The following WNK1 variants were observed in gnomAD, a reference collection of about 807,000 sequenced individuals.
The protein encoded by WNK1 is WNK lysine deficient protein kinase 1.
Under a neutral mutation model 222.8 loss-of-function variants are expected in WNK1, and 38 were observed. That is an observed-to-expected ratio of 0.17 (90% CI 0.13 to 0.22). The LOEUF is 0.22. WNK1 is among the 10% of genes least tolerant of loss of function. The pLI is 1.00. For synonymous variants in WNK1, 1,090 were observed against 1,092.9 expected, an observed-to-expected ratio of 1.00 and a Z score of 0.05; for missense variants, 2,348 against 2,918.4, an observed-to-expected ratio of 0.80 and a Z score of 4.50.
intron 1 of WNK1, among the ~76,000 whole-genome samples, chr12:771,157 C>T (rs1020346917): frequency 2.0e-5 from 3 of 151,938 alleles, no homozygotes; most frequent in Non-Finnish European, 4.4e-5. Flanking sequence ...GCCACCACGC[C>T]CGGCTAATTT....
intron 5 of WNK1, 60 bp from the exon 6 acceptor site, chr12:859,185 T>C (rs527770855): frequency 7.0e-7 from 1 of 1,431,812 alleles, no homozygotes; most frequent in East Asian, 2.3e-5. Flanking sequence ...ATTTGAAAAT[T>C]ATTTTTTCAA....
intron 2 of WNK1, among the ~76,000 whole-genome samples, chr12:822,833 G>A (rs773354306): frequency 1.3e-5 from 2 of 152,190 alleles, no homozygotes; most frequent in African/African-American, 4.8e-5. Flanking sequence ...ATATTTAGAT[G>A]TGTGATGGAC....
chr12:785,481 GCCTCCACCTC>G (rs1944205463), intron 1 of WNK1, among the ~76,000 whole-genome samples: 1 of 132,800 alleles, frequency 7.5e-6, no homozygotes, highest in South Asian at 2.4e-4. Flanking sequence ...GCTCACTGCA[GCCTCCACCTC>G]CCAGGTTCAA....
At chr12:754,401 C>T in intron 1 of WNK1, 77 bp downstream of exon 1, 1 of 1,586,092 alleles carries the variant, frequency 6.3e-7, no homozygotes, top group Non-Finnish European at 8.6e-7. Flanking sequence ...ATCGAGTTCA[C>T]CCTTCACTTG....
At chr12:771,846 C>T (rs182619508) in intron 1 of WNK1, among the ~76,000 whole-genome samples, 64 of 152,258 alleles carry the variant, frequency 4.2e-4, no homozygotes, top group African/African-American at 1.5e-3. Flanking sequence ...GACTGGGTTG[C>T]ACACTGTCAC....
intron 14 of WNK1, 138 bp downstream of exon 14, chr12:882,211 T>A: frequency 9.5e-7 from 1 of 1,050,650 alleles, no homozygotes; most frequent in South Asian, 1.6e-5. Context: ...ATTTTTTTTT[T>A]TTTTAGACGG....
intron 1 of WNK1, among the ~76,000 whole-genome samples, chr12:786,197 T>G (rs1348231754): frequency 6.6e-6 from 1 of 152,230 alleles, no homozygotes; most frequent in Non-Finnish European, 1.5e-5. Context: ...CTTAGACTAC[T>G]TGATTAGCTG....
rs753796087 is a variant in WNK1 at position 859,254 on chromosome 12, C to T, written c.1410C>T (p.Ile470=). 5 of 1,612,486 alleles carry T rather than the reference C, an allele frequency of 3.1e-6. No homozygotes were observed. Among genetic ancestry groups the T allele is most frequent in the Non-Finnish European group, 4.2e-6 (5 of 1,178,798 alleles). Residue 470 remains isoleucine (I), a synonymous_variant, in exon 6 of 28, where the codon ATC becomes ATT. Transcript: ENST00000315939. ...IRQNKDERYS[I]KDLLNHAFFQ... The stretch of plus-strand genomic sequence containing the variant: ...TCCCTCTGTTTGGAAGATATTCCAT[C>T]AAAGACCTTTTGAACCATGCCTTCT...
At chr12:808,531 A>G (rs1946594858) in intron 1 of WNK1, among the ~76,000 whole-genome samples, 1 of 151,582 alleles carries the variant, frequency 6.6e-6, no homozygotes, top group African/African-American at 2.4e-5. Context: ...TTCAGCTATT[A>G]TATGTATCTG....
chr12:887,794 G>A (rs1953814157), intron 20 of WNK1, among the ~76,000 whole-genome samples: 1 of 152,082 alleles, frequency 6.6e-6, no homozygotes, highest in Non-Finnish European at 1.5e-5. Flanking sequence ...TTACTTATAG[G>A]TAGGTATAGG....
rs747750974 is a variant in WNK1, at chr12:900,601, G to A, written c.6574G>A (p.Asp2192Asn). 3 of 1,614,178 alleles carry A rather than the reference G, an allele frequency of 1.9e-6. No individual in the cohort carries two copies. The highest frequency in any genetic ancestry group is 2.5e-6 in the Non-Finnish European group (3 of 1,180,030). ...LQPLKPSPSS[D>N]NLYSAFTSDG... ...GCCCCTTAAGCCATCTCCCTCCAGTGACAACCTCTATTCAGCCTTCACCAG... is the reference window on the plus strand; with the variant it reads ...GCCCCTTAAGCCATCTCCCTCCAGTAACAACCTCTATTCAGCCTTCACCAG... The change falls in exon 26 of 28, where the codon GAC becomes AAC. Residue 2192 changes from aspartate to asparagine, a missense_variant. Asp to Asn is a conservative substitution (Grantham distance 23). This residue lies in a region of WNK1 where 1,144 missense variants were observed against 1,273.6 expected (regional missense o/e 0.90). Transcript: ENST00000315939.
At chr12:757,608 A>G (rs1940315840) in intron 1 of WNK1, among the ~76,000 whole-genome samples, 1 of 152,174 alleles carries the variant, frequency 6.6e-6, no homozygotes, top group African/African-American at 2.4e-5. Context: ...TTATTAGACA[A>G]GTAGTGCACC....
At chr12:907,636 C>G (rs1246797593) in intron 26 of WNK1, 5 of 626,674 alleles carry the variant, frequency 8.0e-6, no homozygotes, top group Non-Finnish European at 1.4e-5. Context: ...TCAGCCTTAG[C>G]AGCAGCTACT....
At position 908,861 on chromosome 12, in the gene WNK1, G is replaced by GGGGGGGGGGGGGGGCCCCC; in HGVS notation, c.*69_*70insGGGGGGGGGGGGGGCCCCC. On this transcript the variant is annotated 3_prime_UTR_variant, in exon 28 of 28. Transcript: ENST00000315939. Reference sequence around the variant, plus strand: ...ATGCTGAGGGGGTGGGTGGGGGTGGGAAGTAGCCTATATACTAACTACTAG... The same window carrying GGGGGGGGGGGGGGGCCCCC: ...ATGCTGAGGGGGTGGGTGGGGGTGGGGGGGGGGGGGGGGGCCCCCAAGTAGCCTATATACTAACTACTAG... The GGGGGGGGGGGGGGGCCCCC allele has an allele frequency of 2.0e-6, 1 of 491,846 alleles. No individual in the cohort carries two copies. The highest frequency in any genetic ancestry group is 4.1e-6 in the Non-Finnish European group (1 of 241,770). 30.5% of individuals were successfully genotyped at this position (491,846 alleles called of 1,614,324 possible). A position where few individuals can be genotyped will look rare whatever the true frequency, so the allele number is the denominator to read the frequency against.
Position 885,500 on chromosome 12 carries a change from G to C in WNK1, c.4696G>C (p.Gly1566Arg). ...GVSSYISQPG[G>R]LHPLVIPSVI... ...GTCTAGTTATATTTCTCAGCCTGGT[G>C]GGCTGCATCCTTTGGTCATTCCATC... is the stretch of plus-strand genomic sequence containing the variant. The change falls in exon 19 of 28, where the codon GGG becomes CGG. Residue 1566 changes from glycine to arginine, a missense_variant. Gly to Arg is a moderately radical substitution (Grantham distance 125, BLOSUM62 -2). Transcript: ENST00000315939. 1 of 1,613,990 alleles carries C rather than the reference G, an allele frequency of 6.2e-7. No individual in the cohort carries two copies. Among genetic ancestry groups the C allele is most frequent in the Non-Finnish European group, 8.5e-7 (1 of 1,180,016 alleles).
At chr12:811,127 A>G (rs1946865988) in intron 1 of WNK1, among the ~76,000 whole-genome samples, 1 of 152,178 alleles carries the variant, frequency 6.6e-6, no homozygotes, top group African/African-American at 2.4e-5. Flanking sequence ...AGGTTCTAAA[A>G]AGCAACAGTG....
intron 1 of WNK1, among the ~76,000 whole-genome samples, chr12:795,195 A>G (rs1480059987): frequency 6.6e-6 from 1 of 152,160 alleles, no homozygotes; most frequent in Admixed American, 6.5e-5. Flanking sequence ...TATAGAACTC[A>G]TCAGTGAAGT....
chr12:887,870 A>G (rs1301219238), intron 20 of WNK1, among the ~76,000 whole-genome samples: 1 of 152,150 alleles, frequency 6.6e-6, no homozygotes, highest in Non-Finnish European at 1.5e-5. Context: ...GCTCAGTGAG[A>G]TGCTAACATT....
In WNK1 at chr12:870,830, A is replaced by G. The variant is rs72649865; in HGVS notation, c.2140-435A>G. 6.9e-3 allele frequency among the ~76,000 whole-genome samples: 1,049 copies of G among 152,324 alleles called. 14 individuals are homozygous for G. Among genetic ancestry groups the G allele is most frequent in the African/African-American group, 0.024 (1,005 of 41,560 alleles). On this transcript the variant is annotated intron_variant, in intron 8 of 27. Coordinates refer to ENST00000315939, the MANE Select transcript of WNK1 (RefSeq NM_018979.4). ...TAACAGATTTTTTGATACTTTTGAT[A>G]AAAGTCATTGTGGCACTACAAGAAG...
Sources: gnomAD v4.1 joint callset for allele counts (sites outside exome capture counted in the v4.1 genomes callset) on GRCh38, gnomAD v4.1.1 for gene constraint, gnomAD v4.1.1 regional missense constraint, MANE v1.5 for transcripts, NCBI Gene and HGNC (gene_info 2026-07-23, HGNC 2026-07-21) for gene names.